The following ZMAT4 variants were observed in gnomAD, a reference collection of about 807,000 sequenced individuals.
ZMAT4 encodes the protein zinc finger matrin-type protein 4.
Under a neutral mutation model 28.7 loss-of-function variants are expected in ZMAT4, and 17 were observed. That is an observed-to-expected ratio of 0.59 (90% CI 0.41 to 0.89). ZMAT4 has a LOEUF of 0.89. ZMAT4 is among the 40% of genes least tolerant of loss of function. The pLI is 0.00. For synonymous variants in ZMAT4, 117 were observed against 109.2 expected, an observed-to-expected ratio of 1.07 and a Z score of -0.44; for missense variants, 240 against 283.8, an observed-to-expected ratio of 0.85 and a Z score of 1.11.
At chr8:40,832,688 A>G (rs1193812018) in intron 1 of ZMAT4, among the ~76,000 whole-genome samples, 2 of 152,224 alleles carry the variant, frequency 1.3e-5, no homozygotes, top group Non-Finnish European at 2.9e-5. Flanking sequence ...TAAAAATGCT[A>G]CCAATTAAGA....
At chr8:40,805,148 C>T (rs1265741619) in intron 2 of ZMAT4, among the ~76,000 whole-genome samples, 3 of 152,024 alleles carry the variant, frequency 2.0e-5, no homozygotes, top group Non-Finnish European at 1.5e-5. Flanking sequence ...GGACATGACT[C>T]AAAAGAAGAC....
chr8:40,659,463 G>T (rs1808088246), intron 5 of ZMAT4, among the ~76,000 whole-genome samples: 1 of 152,174 alleles, frequency 6.6e-6, no homozygotes, highest in Non-Finnish European at 1.5e-5. Flanking sequence ...ACATATAGCT[G>T]CCTTGAGTCC....
chr8:40,644,807 A>G (rs996499648), intron 5 of ZMAT4, among the ~76,000 whole-genome samples: 29 of 152,202 alleles, frequency 1.9e-4, no homozygotes, highest in African/African-American at 6.5e-4. Context: ...TAGTATGCAC[A>G]CTTGATATGA....
At chr8:40,698,782 G>A (rs1810003962) in intron 3 of ZMAT4, among the ~76,000 whole-genome samples, 1 of 152,184 alleles carries the variant, frequency 6.6e-6, no homozygotes, top group African/African-American at 2.4e-5. Context: ...AAGGGGTTGT[G>A]TGTGTGTCCC....
intron 5 of ZMAT4, among the ~76,000 whole-genome samples, chr8:40,613,106 C>G (rs11997463): frequency 2.6e-5 from 4 of 151,272 alleles, no homozygotes; most frequent in African/African-American, 7.3e-5. Context: ...CCACCGTGAC[C>G]GGCCTCTATC....
At chr8:40,584,409 G>A (rs1050632784) in intron 5 of ZMAT4, among the ~76,000 whole-genome samples, 6 of 151,892 alleles carry the variant, frequency 4.0e-5, no homozygotes, top group Admixed American at 3.9e-4. Flanking sequence ...CTGGAGGAGG[G>A]GACAATTAAC....
chr8:40,535,698 A>G (rs1802823625), intron 6 of ZMAT4, among the ~76,000 whole-genome samples: 1 of 152,056 alleles, frequency 6.6e-6, no homozygotes, highest in African/African-American at 2.4e-5. Context: ...AGATATGTAC[A>G]CAATCTTCCT....
In ZMAT4 at chr8:40,866,195, C is replaced by T. The variant is rs545827446; in HGVS notation, c.-5+31488G>A. On this transcript the variant is annotated intron_variant, in intron 1 of 6. Coordinates refer to ENST00000297737, the MANE Select transcript of ZMAT4 (RefSeq NM_024645.3). ...ATCACTAAACCAGGGATGATGGCTG[C>T]AGCTGCACTCCTTTGCTTTAGTTCT... Among the ~76,000 whole-genome samples the T allele has an allele frequency of 2.0e-5, 3 of 152,346 alleles. No individual in the cohort carries two copies. The South Asian group carries it at 6.2e-4, about 32-fold the overall frequency.
chr8:40,819,632 C>G (rs1335151023), intron 2 of ZMAT4, among the ~76,000 whole-genome samples: 1 of 152,064 alleles, frequency 6.6e-6, no homozygotes, highest in African/African-American at 2.4e-5. Context: ...TTGGGAGGGA[C>G]GAGGATGCCT....
chr8:40,532,771 G>A (rs1302257502), intron 6 of ZMAT4, among the ~76,000 whole-genome samples: 1 of 152,112 alleles, frequency 6.6e-6, no homozygotes, highest in Non-Finnish European at 1.5e-5. Context: ...GTAGAGGTGG[G>A]CAGATCACGA....
intron 4 of ZMAT4, among the ~76,000 whole-genome samples, chr8:40,689,581 T>A (rs1809569126): frequency 1.3e-5 from 2 of 152,152 alleles, no homozygotes; most frequent in Non-Finnish European, 2.9e-5. Flanking sequence ...TTACTACCCA[T>A]TATTTCAGGT....
At chr8:40,784,797 C>T (rs371830162) in intron 2 of ZMAT4, among the ~76,000 whole-genome samples, 2 of 152,314 alleles carry the variant, frequency 1.3e-5, no homozygotes, top group East Asian at 3.9e-4. Flanking sequence ...CTGCAGAGAG[C>T]TGCCTTGCCT....
At chr8:40,850,301 C>T (rs544192688) in intron 1 of ZMAT4, among the ~76,000 whole-genome samples, 3 of 152,252 alleles carry the variant, frequency 2.0e-5, no homozygotes, top group African/African-American at 4.8e-5. Context: ...TAGCCTCCCC[C>T]GCCACTCACT....
intron 1 of ZMAT4, among the ~76,000 whole-genome samples, chr8:40,891,600 T>C (rs1376337501): frequency 6.6e-6 from 1 of 152,078 alleles, no homozygotes; most frequent in African/African-American, 2.4e-5. Flanking sequence ...AGCCAATCCC[T>C]GGAAGGGCAC....
intron 5 of ZMAT4, among the ~76,000 whole-genome samples, chr8:40,614,236 G>A (rs972670856): frequency 6.6e-6 from 1 of 152,136 alleles, no homozygotes. Context: ...GGAAGCCCAG[G>A]ACTAAGAACA....
chr8:40,834,830 G>A (rs1056999489), intron 1 of ZMAT4, among the ~76,000 whole-genome samples: 1 of 152,192 alleles, frequency 6.6e-6, no homozygotes, highest in African/African-American at 2.4e-5. Flanking sequence ...GGGAGACCAG[G>A]GATCTGAGTA....
chr8:40,553,192 G>A (rs754826379), intron 6 of ZMAT4, among the ~76,000 whole-genome samples: 2 of 152,142 alleles, frequency 1.3e-5, no homozygotes, highest in African/African-American at 2.4e-5. Context: ...GCCCACAGCC[G>A]TGTGAGTGCA....
intron 2 of ZMAT4, among the ~76,000 whole-genome samples, chr8:40,790,075 C>T (rs1814257669): frequency 6.6e-6 from 1 of 152,158 alleles, no homozygotes; most frequent in African/African-American, 2.4e-5. Flanking sequence ...TGAAGCTTCC[C>T]CACTCCCCTG....
chr8:40,552,889 C>T (rs901968729), intron 6 of ZMAT4, among the ~76,000 whole-genome samples: 1 of 152,142 alleles, frequency 6.6e-6, no homozygotes, highest in Non-Finnish European at 1.5e-5. Flanking sequence ...ACTTAACTTG[C>T]TTCTAACAAA....
Sources: gnomAD v4.1 joint callset for allele counts (sites outside exome capture counted in the v4.1 genomes callset) on GRCh38, gnomAD v4.1.1 for gene constraint, MANE v1.5 for transcripts, NCBI Gene and HGNC (gene_info 2026-07-23, HGNC 2026-07-21) for gene names.